KIF20B: variants seen among roughly 807,000 people sequenced by gnomAD.
KIF20B encodes the protein kinesin-like protein KIF20B.
In KIF20B, 188 loss-of-function variants were observed where a neutral mutation model predicts 232.5. The ratio of observed to expected loss-of-function variants is 0.81; its 90% CI spans 0.72 to 0.91. The LOEUF (loss-of-function observed/expected upper bound fraction) is 0.91, where lower values mean the gene tolerates loss of function less well. Ranked by LOEUF, KIF20B falls within the 40% of genes least tolerant of loss-of-function variation. The probability of loss-of-function intolerance (pLI) is 0.00; values close to 1 mark genes in which losing one functional copy is unlikely to be tolerated. For missense variants in KIF20B, 2,154 were observed against 2,055.9 expected (o/e 1.05, Z -0.92); for synonymous variants, 712 against 683.0 (o/e 1.04, Z -0.66).
At chr10:89,733,270 T>G (rs1022330900) in intron 19 of KIF20B, 19 of 443,458 alleles carry the variant, frequency 4.3e-5, no homozygotes, top group Admixed American at 7.9e-5. Context: ...GAAATTGTGC[T>G]TTTATTATTT....
intron 18 of KIF20B, among the ~76,000 whole-genome samples, chr10:89,731,101 A>G (rs77284348): frequency 0.011 from 1,712 of 152,312 alleles, 19 homozygotes; most frequent in Non-Finnish European, 0.015. Flanking sequence ...TTGGTTAGTC[A>G]TCACATGCTT....
chr10:89,728,348 A>G lies in KIF20B; in HGVS notation c.2271+452A>G, dbSNP rs116413048. Among the ~76,000 whole-genome samples the G allele has an allele frequency of 3.0e-3, 457 of 152,316 alleles. 3 individuals are homozygous for G. Among genetic ancestry groups the G allele is most frequent in the African/African-American group, 0.01 (427 of 41,574 alleles). On this transcript the variant is annotated intron_variant, in intron 17 of 32. Transcript: ENST00000371728. ...TTCTTCCTAAATTTAAAACAAAACC[A>G]AACCAACTTGTTTGGAAGCTCTTTA...
chr10:89,758,851 TA>T lies in KIF20B; in HGVS notation c.4654del (p.Arg1552GlyfsTer9). The T allele has an allele frequency of 1.9e-6, 3 of 1,591,926 alleles. No homozygotes were observed. The highest frequency in any genetic ancestry group is 1.4e-5 in the African/African-American group (1 of 73,908). ...CAGAAAGATAATGAAATTGAACAAC[TA>T]AAAAGGATCATATCAGAGACTTCTA... ...NVQKDNEIEQ[L>X]KRIISETSKI... On this transcript the variant is annotated frameshift_variant, in exon 27 of 33. Transcript: ENST00000371728. LOFTEE classifies it high-confidence loss of function.
intron 28 of KIF20B, among the ~76,000 whole-genome samples, chr10:89,760,999 C>T (rs1316345343): frequency 6.6e-6 from 1 of 152,084 alleles, no homozygotes; most frequent in Non-Finnish European, 1.5e-5. Context: ...AGCTTTGTCA[C>T]CAGTCTTCAA....
chr10:89,754,586 A>T lies in KIF20B; in HGVS notation c.4416A>T (p.Gln1472His), dbSNP rs372720193. Residue 1472 changes from glutamine (Q) to histidine (H), a missense_variant, in exon 26 of 33, where the codon CAA (glutamine) becomes CAT (histidine). Physicochemically the swap from Gln to His is conservative, Grantham distance 24 (BLOSUM62 0). Transcript: ENST00000371728. ...WLEEKMMLIT[Q>H]AKEAENIRNK... Reference sequence around the variant, plus strand: ...AAGAAAAAATGATGCTTATCACTCAAGCGAAAGAAGCAGAGAATATACGAA... The same window carrying T: ...AAGAAAAAATGATGCTTATCACTCATGCGAAAGAAGCAGAGAATATACGAA... 3.1e-6 allele frequency: 5 copies of T among 1,607,058 alleles called. No individual in the cohort carries two copies. The highest frequency in any genetic ancestry group is 1.7e-4 in the Middle Eastern group (1 of 6,040).
Position 89,751,238 on chromosome 10 carries a change from A to G in KIF20B, c.4097-108A>G, listed in dbSNP as rs1842016567. 4 of 875,082 alleles carry G rather than the reference A, an allele frequency of 4.6e-6. No homozygotes were observed. The East Asian group carries it at 1.1e-4, about 25-fold the overall frequency. 54.2% of individuals were successfully genotyped at this position (875,082 alleles called of 1,614,324 possible). A position where few individuals can be genotyped will look rare whatever the true frequency, so the allele number is the denominator to read the frequency against. On this transcript the variant is annotated intron_variant, in intron 23 of 32. Coordinates refer to ENST00000371728, the MANE Select transcript of KIF20B (RefSeq NM_001284259.2). ...ACAAAGTTTCTGTCTATATGGAACT[A>G]ATATTCTATTACAGTTAATAAAAAT...
At chr10:89,703,518 T>C (rs1378672665) in intron 1 of KIF20B, among the ~76,000 whole-genome samples, 3 of 152,134 alleles carry the variant, frequency 2.0e-5, no homozygotes, top group African/African-American at 7.2e-5. Context: ...GGGGCTTACA[T>C]GCCTAAATGA....
intron 6 of KIF20B, among the ~76,000 whole-genome samples, chr10:89,711,805 CTTGTTTTT>C (rs1466076288): frequency 6.6e-6 from 1 of 151,896 alleles, no homozygotes; most frequent in Non-Finnish European, 1.5e-5. Context: ...ATGTCTTTAA[CTTGTTTTT>C]TTAAATTTTA....
intron 7 of KIF20B, 27 bp from the exon 8 acceptor site, chr10:89,714,928 T>G (rs1842906817): frequency 2.2e-6 from 3 of 1,357,874 alleles, no homozygotes; most frequent in Non-Finnish European, 3.0e-6. Context: ...CTTTCGTGAT[T>G]GTTTTTTCTT....
chr10:89,714,435 G>A (rs943597191), intron 7 of KIF20B, among the ~76,000 whole-genome samples: 1 of 151,894 alleles, frequency 6.6e-6, no homozygotes, highest in Admixed American at 6.6e-5. Flanking sequence ...CCGAGATCGC[G>A]CCACTGCACT....
At chr10:89,759,316 A>G (rs1842192666) in intron 27 of KIF20B, among the ~76,000 whole-genome samples, 1 of 152,078 alleles carries the variant, frequency 6.6e-6, no homozygotes, top group East Asian at 1.9e-4. Flanking sequence ...TGGTAGAGAG[A>G]CATTATGAGT....
chr10:89,736,846 T>TTAA, intron 19 of KIF20B, among the ~76,000 whole-genome samples: 1 of 152,244 alleles, frequency 6.6e-6, no homozygotes, highest in South Asian at 2.1e-4. Context: ...TTATTAATGG[T>TTAA]TACAGCTAGT....
At chr10:89,745,257 G>T (rs557715593) in intron 22 of KIF20B, among the ~76,000 whole-genome samples, 4 of 152,194 alleles carry the variant, frequency 2.6e-5, no homozygotes, top group Admixed American at 6.5e-5. Flanking sequence ...GGGCACAGTC[G>T]CTCACGCATG....
chr10:89,724,150 A>AC (rs768651590), intron 14 of KIF20B, 47 bp downstream of exon 14: 1 of 1,402,014 alleles, frequency 7.1e-7, no homozygotes, highest in East Asian at 2.6e-5. Context: ...AATTTTATTT[A>AC]GTTTTTTAGT....
chr10:89,741,111 A>G (rs953696425), intron 21 of KIF20B, among the ~76,000 whole-genome samples: 3 of 152,204 alleles, frequency 2.0e-5, no homozygotes, highest in African/African-American at 7.2e-5. Context: ...TTTTCCTACA[A>G]CTAGACGGTC....
rs1371544083 is a variant in KIF20B, at chr10:89,754,524, G to C, written c.4354G>C (p.Glu1452Gln). 5.0e-6 allele frequency: 8 copies of C among 1,585,408 alleles called. No individual in the cohort carries two copies. In the African/African-American group the frequency reaches 6.8e-5, roughly 13 times the overall value. Residue 1452 changes from glutamate (E) to glutamine (Q), a missense_variant, in exon 26 of 33, where the codon GAA (glutamate) becomes CAA (glutamine). Coordinates refer to ENST00000371728, the MANE Select transcript of KIF20B (RefSeq NM_001284259.2). ...TNLQDELQES[E>Q]QKYNADRKKW... ...ATACCATTTATATATACAGGAGTCT[G>C]AACAGAAATATAATGCTGATAGAAA...
intron 8 of KIF20B, among the ~76,000 whole-genome samples, chr10:89,715,588 A>G (rs944134041): frequency 2.0e-5 from 3 of 152,236 alleles, no homozygotes; most frequent in Non-Finnish European, 2.9e-5. Context: ...TTCAGTACCT[A>G]CATGCATGTA....
chr10:89,768,813 A>G lies in KIF20B; in HGVS notation c.5167A>G (p.Thr1723Ala). The change falls in exon 31 of 33, where the codon ACT becomes GCT. Residue 1723 changes from threonine to alanine, a missense_variant. Thr to Ala is a moderately conservative substitution (Grantham distance 58). Coordinates refer to ENST00000371728, the MANE Select transcript of KIF20B (RefSeq NM_001284259.2). The stretch of plus-strand genomic sequence containing the variant: ...ATCCATAATTGGTGTAAACCTGGCC[A>G]CTAAGAAAAAAGAAGGAACACTACA... ...QASIIGVNLA[T>A]KKKEGTLQKF... 1 of 1,610,316 alleles carries G rather than the reference A, an allele frequency of 6.2e-7. No individual in the cohort carries two copies. Among genetic ancestry groups the G allele is most frequent in the Non-Finnish European group, 8.5e-7 (1 of 1,178,206 alleles).
At chr10:89,732,565 T>C (rs1056678682) in intron 18 of KIF20B, among the ~76,000 whole-genome samples, 30 of 152,224 alleles carry the variant, frequency 2.0e-4, no homozygotes, top group Non-Finnish European at 3.2e-4. Flanking sequence ...CAAAACTATT[T>C]TTCTAGGAGT....
Sources: gnomAD v4.1 joint callset for allele counts (sites outside exome capture counted in the v4.1 genomes callset) on GRCh38, gnomAD v4.1.1 for gene constraint, MANE v1.5 for transcripts, NCBI Gene and HGNC (gene_info 2026-07-23, HGNC 2026-07-21) for gene names.